The following TMEM266 variants were observed in gnomAD, a reference collection of about 807,000 sequenced individuals.
TMEM266 encodes the protein transmembrane protein 266.
Under a neutral mutation model 50.5 loss-of-function variants are expected in TMEM266, and 33 were observed. That is an observed-to-expected ratio of 0.65 (90% CI 0.50 to 0.87). The LOEUF (loss-of-function observed/expected upper bound fraction) is 0.87. Ranked by LOEUF, TMEM266 falls within the 40% of genes least tolerant of loss-of-function variation. The pLI is 0.00. For synonymous variants in TMEM266, 310 were observed against 292.3 expected, an observed-to-expected ratio of 1.06 and a Z score of -0.62; for missense variants, 655 against 695.1, an observed-to-expected ratio of 0.94 and a Z score of 0.65.
At chr15:76,191,908 G>A in intron 8 of TMEM266, 60 bp from the exon 9 acceptor site, 2 of 1,476,714 alleles carry the variant, frequency 1.4e-6, no homozygotes, top group Non-Finnish European at 1.8e-6. Context: ...CCAGAGGTCA[G>A]GCTGGAGGCC....
chr15:76,204,436 C>A lies in TMEM266; in HGVS notation c.*121C>A. 1.0e-6 allele frequency: 1 copy of A among 959,006 alleles called. No homozygotes were observed. The highest frequency in any genetic ancestry group is 1.5e-6 in the Non-Finnish European group (1 of 655,094). The allele number at this position is 959,006 out of a possible 1,614,324, so 59.4% of individuals were successfully genotyped here. A position where few individuals can be genotyped will look rare whatever the true frequency, so the allele number is the denominator to read the frequency against. On this transcript the variant is annotated 3_prime_UTR_variant, in exon 11 of 11. Coordinates refer to ENST00000388942, the MANE Select transcript of TMEM266 (RefSeq NM_152335.3). The stretch of plus-strand genomic sequence containing the variant: ...AGCCCACCTGGCCTCCCTCAGGGTG[C>A]TGCCTGCCTCCAGGGAGGCGACGCC...
In TMEM266 at chr15:76,179,767, C is replaced by A. The variant is rs577368936; in HGVS notation, c.768+4093C>A. On this transcript the variant is annotated intron_variant, in intron 8 of 10. Coordinates refer to ENST00000388942, the MANE Select transcript of TMEM266 (RefSeq NM_152335.3). ...TGCTGCCTGAAAAATTGACATTTAC[C>A]AATGAAATGTGTTAGGGTCCCAGTT... Among the ~76,000 whole-genome samples the A allele has an allele frequency of 3.9e-4, 59 of 152,204 alleles. 1 individual carries two copies. In the South Asian group the frequency reaches 0.011, roughly 29 times the overall value.
At chr15:76,157,371 A>G (rs971982100) in intron 4 of TMEM266, among the ~76,000 whole-genome samples, 11 of 152,216 alleles carry the variant, frequency 7.2e-5, no homozygotes, top group African/African-American at 2.4e-4. Context: ...TACTTGCCCT[A>G]AGTAAGAGGT....
chr15:76,164,278 T>A (rs1384873434), intron 5 of TMEM266, among the ~76,000 whole-genome samples: 1 of 152,176 alleles, frequency 6.6e-6, no homozygotes, highest in Non-Finnish European at 1.5e-5. Flanking sequence ...CAATCACAGC[T>A]CACTGCAGCT....
At chr15:76,107,545 G>T (rs1000575244) in intron 1 of TMEM266, among the ~76,000 whole-genome samples, 3 of 152,182 alleles carry the variant, frequency 2.0e-5, no homozygotes, top group African/African-American at 7.2e-5. Context: ...CAACTAGTAA[G>T]TAAGTTATAA....
intron 4 of TMEM266, 58 bp downstream of exon 4, chr15:76,156,816 T>C (rs2037935135): frequency 6.4e-7 from 1 of 1,562,446 alleles, no homozygotes; most frequent in East Asian, 2.3e-5. Flanking sequence ...TCAATGTGCA[T>C]CTGCATTCAT....
At chr15:76,183,897 A>AACCGGAGCAGACGTGGGAGGT (rs2038457179) in intron 8 of TMEM266, among the ~76,000 whole-genome samples, 3 of 152,134 alleles carry the variant, frequency 2.0e-5, no homozygotes, top group Non-Finnish European at 4.4e-5. Flanking sequence ...CACGTGGAGG[A>AACCGGAGCAGACGTGGGAGGT]ACCGGAGCAG....
At chr15:76,061,496 G>T (rs1367703697) in intron 1 of TMEM266, among the ~76,000 whole-genome samples, 1 of 152,164 alleles carries the variant, frequency 6.6e-6, no homozygotes, top group Non-Finnish European at 1.5e-5. Context: ...CTCCAGGTGC[G>T]GCTGCTCCGT....
chr15:76,114,676 T>C (rs746533825), intron 1 of TMEM266, among the ~76,000 whole-genome samples: 4 of 152,210 alleles, frequency 2.6e-5, no homozygotes, highest in Non-Finnish European at 5.9e-5. Context: ...TTTTTATAGT[T>C]TTTTGTCTTC....
chr15:76,073,797 C>T (rs954500776), intron 1 of TMEM266, among the ~76,000 whole-genome samples: 11 of 152,154 alleles, frequency 7.2e-5, no homozygotes, highest in Non-Finnish European at 1.3e-4. Context: ...TTTGCAAGAG[C>T]TTATTCATGT....
intron 1 of TMEM266, among the ~76,000 whole-genome samples, chr15:76,100,947 T>G (rs1026370723): frequency 2.6e-5 from 4 of 152,066 alleles, no homozygotes; most frequent in Non-Finnish European, 5.9e-5. Flanking sequence ...GCTTAGGTTT[T>G]TAAGTAGTTT....
chr15:76,072,237 G>A (rs148393114), intron 1 of TMEM266, among the ~76,000 whole-genome samples: 4 of 151,786 alleles, frequency 2.6e-5, no homozygotes, highest in African/African-American at 7.3e-5. Flanking sequence ...TCAGGAGTTC[G>A]AGACCAGCCT....
chr15:76,156,752 C>A lies in TMEM266; in HGVS notation c.376C>A (p.Leu126Ile). The change falls in exon 4 of 11, where the codon CTC becomes ATC. Residue 126 changes from leucine to isoleucine, a missense_variant. Transcript: ENST00000388942. ...GGAACTTCTAATAGATATAAAGCTT[C>A]TCCAGTGTGAGTAGCAAGAGAGATA... 2 of 1,613,634 alleles carry A rather than the reference C, an allele frequency of 1.2e-6. No individual in the cohort carries two copies. Among genetic ancestry groups the A allele is most frequent in the South Asian group, 2.2e-5 (2 of 91,072 alleles).
intron 8 of TMEM266, among the ~76,000 whole-genome samples, chr15:76,181,945 G>T (rs530186168): frequency 1.3e-5 from 2 of 152,158 alleles, no homozygotes; most frequent in Non-Finnish European, 2.9e-5. Context: ...GGCCCACTGT[G>T]GAAGTTAGTT....
intron 1 of TMEM266, among the ~76,000 whole-genome samples, chr15:76,116,832 C>T (rs1396098889): frequency 3.9e-5 from 6 of 151,976 alleles, no homozygotes; most frequent in Non-Finnish European, 7.4e-5. Flanking sequence ...AGCACATCCT[C>T]ATCTATTTTT....
intron 4 of TMEM266, among the ~76,000 whole-genome samples, chr15:76,158,878 C>T (rs1308566081): frequency 3.3e-5 from 5 of 152,298 alleles, no homozygotes; most frequent in South Asian, 2.1e-4. Flanking sequence ...GTTTTGCAGC[C>T]GTCTTCCCCT....
intron 1 of TMEM266, among the ~76,000 whole-genome samples, chr15:76,096,942 T>C (rs1234364742): frequency 6.6e-6 from 1 of 151,066 alleles, no homozygotes; most frequent in Non-Finnish European, 1.5e-5. Flanking sequence ...ATTTTTTTTT[T>C]TTTTTTTGCT....
At chr15:76,189,255 A>G (rs1460023848) in intron 8 of TMEM266, among the ~76,000 whole-genome samples, 1 of 144,160 alleles carries the variant, frequency 6.9e-6, no homozygotes, top group African/African-American at 2.5e-5. Flanking sequence ...GAAGGAGGGA[A>G]GTAAGGAAGG....
At chr15:76,166,121 C>T (rs1022837245) in intron 5 of TMEM266, among the ~76,000 whole-genome samples, 11 of 152,046 alleles carry the variant, frequency 7.2e-5, no homozygotes, top group Admixed American at 4.6e-4. Flanking sequence ...CGCGTGTTTT[C>T]GGAGGTGTTA....
Sources: gnomAD v4.1 joint callset for allele counts (sites outside exome capture counted in the v4.1 genomes callset) on GRCh38, gnomAD v4.1.1 for gene constraint, MANE v1.5 for transcripts, NCBI Gene and HGNC (gene_info 2026-07-23, HGNC 2026-07-21) for gene names.